The following CROCC2 variants were observed in gnomAD, a reference collection of about 807,000 sequenced individuals.
CROCC2 encodes the protein ciliary rootlet coiled-coil protein 2.
In CROCC2, 163 loss-of-function variants were observed where a neutral mutation model predicts 177.6. The observed-to-expected ratio is 0.92, with a 90% CI of 0.81 to 1.05. CROCC2 has a LOEUF of 1.05. Ranked by LOEUF, CROCC2 falls within the 50% of genes least tolerant of loss-of-function variation. The pLI is 0.00. For synonymous variants in CROCC2, 904 were observed against 787.3 expected (o/e 1.15, Z -2.48); for missense variants, 1,929 against 1,797.8 (o/e 1.07, Z -1.32).
chr2:240,936,349 C>T (rs1425057129), intron 14 of CROCC2, among the ~76,000 whole-genome samples: 6 of 152,180 alleles, frequency 3.9e-5, no homozygotes, highest in Non-Finnish European at 5.9e-5. Flanking sequence ...CCAAAGCCCC[C>T]GGCTCCCACC....
intron 28 of CROCC2, chr2:240,983,608 A>AAG (rs1384918784): frequency 8.6e-6 from 11 of 1,284,260 alleles, no homozygotes; most frequent in Non-Finnish European, 1.1e-5. Context: ...CTTAGAGAGG[A>AAG]AGGAGGAGCT....
At chr2:240,961,826 C>CAT (rs2059639551) in intron 20 of CROCC2, among the ~76,000 whole-genome samples, 1 of 141,510 alleles carries the variant, frequency 7.1e-6, no homozygotes, top group Non-Finnish European at 1.5e-5. Flanking sequence ...CTCACACACA[C>CAT]GCACGCACAC....
At position 240,974,023 on chromosome 2, in the gene CROCC2, G is replaced by A. The variant is rs1322710561; in HGVS notation, c.4401+5761G>A. ...TTTCTTCTCGGGTCAGTTTTGCCCT[G>A]TGGGAGTGTAACTTATCTTACACAT... is the stretch of plus-strand genomic sequence containing the variant. On this transcript the variant is annotated intron_variant, in intron 27 of 31. Transcript: ENST00000690015. Among the ~76,000 whole-genome samples, 2 of 152,212 alleles carry A rather than the reference G, an allele frequency of 1.3e-5. 1 individual carries two copies. Among genetic ancestry groups the A allele is most frequent in the South Asian group, 4.1e-4 (2 of 4,828 alleles).
At chr2:240,932,634 C>A in intron 8 of CROCC2, 68 bp from the exon 9 acceptor site, 2 of 716,532 alleles carry the variant, frequency 2.8e-6, no homozygotes, top group East Asian at 2.7e-5. Flanking sequence ...GGACTGTCTG[C>A]GCGGTCCCCA....
At chr2:240,907,270 T>C (rs983310522) in intron 1 of CROCC2, among the ~76,000 whole-genome samples, 5 of 152,106 alleles carry the variant, frequency 3.3e-5, no homozygotes, top group African/African-American at 4.8e-5. Flanking sequence ...GTGACAACAG[T>C]GGCTGGGAAT....
At chr2:240,932,989 G>A in intron 9 of CROCC2, 81 bp downstream of exon 9, 1 of 1,480,486 alleles carries the variant, frequency 6.8e-7, no homozygotes, top group Non-Finnish European at 8.9e-7. Flanking sequence ...GTAGTTATGG[G>A]GCCTGCCCCT....
chr2:240,980,089 T>G (rs1343144676), intron 27 of CROCC2, among the ~76,000 whole-genome samples: 13 of 55,910 alleles, frequency 2.3e-4, no homozygotes, highest in Admixed American at 7.4e-4. Context: ...AGCCTCAGGA[T>G]CCCAGGCTCA....
intron 27 of CROCC2, among the ~76,000 whole-genome samples, chr2:240,976,624 G>A (rs6722897): frequency 1.6e-4 from 13 of 79,188 alleles, no homozygotes; most frequent in African/African-American, 7.3e-4. Context: ...AGCCTCAGGA[G>A]CCCAGGCTCA....
At chr2:240,943,077 G>A (rs2059503321) in intron 14 of CROCC2, among the ~76,000 whole-genome samples, 1 of 152,004 alleles carries the variant, frequency 6.6e-6, no homozygotes, top group Non-Finnish European at 1.5e-5. Context: ...GCATGACCAT[G>A]GTTCACTGCA....
At chr2:240,925,992 G>A in intron 5 of CROCC2, 112 bp downstream of exon 5, 1 of 603,010 alleles carries the variant, frequency 1.7e-6, no homozygotes, top group Non-Finnish European at 3.0e-6. Context: ...TGTCCCTCTT[G>A]GGGACGAGGC....
intron 20 of CROCC2, among the ~76,000 whole-genome samples, chr2:240,962,362 G>T (rs1267187907): frequency 6.6e-6 from 1 of 152,112 alleles, no homozygotes; most frequent in Admixed American, 6.5e-5. Flanking sequence ...TCTCCTCTGC[G>T]CTGGGAAATG....
rs1022266192 is a variant in CROCC2 at position 240,972,282 on chromosome 2, G to A, written c.4401+4020G>A. Reference sequence around the variant, plus strand: ...TTCCAAGATCCTGCAGCCACAGGGAGCCATGGGGAATATGGGGAGCCAGCA... The same window carrying A: ...TTCCAAGATCCTGCAGCCACAGGGAACCATGGGGAATATGGGGAGCCAGCA... On this transcript the variant is annotated intron_variant, in intron 27 of 31. Transcript: ENST00000690015. The surrounding 1 kb of genome is among the most constrained non-coding windows in gnomAD (Gnocchi z 7.1). Among the ~76,000 whole-genome samples the A allele has an allele frequency of 6.6e-6, 1 of 152,192 alleles. No individual in the cohort carries two copies.
intron 28 of CROCC2, chr2:240,983,274 A>G (rs2059814007): frequency 1.0e-6 from 1 of 985,296 alleles, no homozygotes; most frequent in Admixed American, 3.0e-5. Flanking sequence ...CTTGCCGTAC[A>G]GTAAGCACCC....
At chr2:240,929,308 C>T (rs528492144) in intron 5 of CROCC2, among the ~76,000 whole-genome samples, 37 of 152,236 alleles carry the variant, frequency 2.4e-4, no homozygotes, top group African/African-American at 6.5e-4. Context: ...TGAAGGCACC[C>T]TGGAGGAGCA....
At chr2:240,933,021 G>A in intron 9 of CROCC2, 110 bp from the exon 10 acceptor site, 1 of 1,016,722 alleles carries the variant, frequency 9.8e-7, no homozygotes, top group Non-Finnish European at 1.4e-6. Flanking sequence ...CTCCAGGGAG[G>A]GGCCCCAGTG....
chr2:240,945,741 C>T (rs2059519860), intron 14 of CROCC2, among the ~76,000 whole-genome samples: 1 of 152,002 alleles, frequency 6.6e-6, no homozygotes, highest in African/African-American at 2.4e-5. Flanking sequence ...CCTTCTATTG[C>T]CATTTCTATG....
chr2:240,925,280 G>C (rs2059388855), intron 4 of CROCC2, among the ~76,000 whole-genome samples: 1 of 152,196 alleles, frequency 6.6e-6, no homozygotes, highest in Non-Finnish European at 1.5e-5. Flanking sequence ...AGCAAGTGTG[G>C]ACCTACTTGT....
intron 28 of CROCC2, among the ~76,000 whole-genome samples, chr2:240,984,822 A>C (rs375196118): frequency 7.3e-4 from 3 of 4,088 alleles, no homozygotes; most frequent in Admixed American, 4.5e-3. Context: ...CAGGCACTCA[A>C]TCCACACACA....
chr2:240,987,370 G>A (rs779792614), intron 28 of CROCC2, among the ~76,000 whole-genome samples: 6 of 152,168 alleles, frequency 3.9e-5, no homozygotes, highest in Non-Finnish European at 5.9e-5. Context: ...GGATGTGGCC[G>A]TTTATTTATT....
Sources: gnomAD v4.1 joint callset for allele counts (sites outside exome capture counted in the v4.1 genomes callset) on GRCh38, gnomAD v4.1.1 for gene constraint, Gnocchi (gnomAD v3.1) non-coding constraint, MANE v1.5 for transcripts, NCBI Gene and HGNC (gene_info 2026-07-23, HGNC 2026-07-21) for gene names.